EPAS1: variants seen among roughly 807,000 people sequenced by gnomAD.
The protein encoded by EPAS1 is endothelial PAS domain-containing protein 1.
EPAS1 carries 23 observed loss-of-function variants against 87.9 expected under a neutral mutation model. The ratio of observed to expected loss-of-function variants is 0.26; its 90% CI spans 0.19 to 0.37. EPAS1 has a LOEUF of 0.37. Among genes scored for constraint, EPAS1 ranks in the 10% least tolerant of loss-of-function variants. The probability of loss-of-function intolerance (pLI) is 1.00; values close to 1 mark genes in which losing one functional copy is unlikely to be tolerated. For synonymous variants in EPAS1, 508 were observed against 444.3 expected (o/e 1.14, Z -1.80); for missense variants, 1,138 against 1,120.7 (o/e 1.02, Z -0.22).
chr2:46,301,807 G>T (rs1420776701), intron 1 of EPAS1, among the ~76,000 whole-genome samples: 2 of 135,268 alleles, frequency 1.5e-5, no homozygotes, highest in Non-Finnish European at 3.1e-5. Context: ...TAGAAGTGAT[G>T]ATTCTGTTTG....
chr2:46,347,125 G>T lies in EPAS1; in HGVS notation c.217+62G>T. Reference sequence around the variant, plus strand: ...CAGCCTTACCAGCATGTTCCTATATGCAGGGGACCCTTCTGCTGCCAGAGC... The same window carrying T: ...CAGCCTTACCAGCATGTTCCTATATTCAGGGGACCCTTCTGCTGCCAGAGC... On this transcript the variant is annotated intron_variant, in intron 2 of 15. Coordinates refer to ENST00000263734, the MANE Select transcript of EPAS1 (RefSeq NM_001430.5). The surrounding 1 kb of genome is among the most constrained non-coding windows in gnomAD (Gnocchi z 4.2). The T allele has an allele frequency of 4.4e-6, 7 of 1,594,096 alleles. No individual in the cohort carries two copies. The highest frequency in any genetic ancestry group is 6.0e-6 in the Non-Finnish European group (7 of 1,162,160).
chr2:46,358,798 A>G (rs1294425830), intron 4 of EPAS1, among the ~76,000 whole-genome samples: 1 of 152,238 alleles, frequency 6.6e-6, no homozygotes, highest in Non-Finnish European at 1.5e-5. Context: ...CTCGTGATCT[A>G]GACCTAAAGG....
intron 1 of EPAS1, among the ~76,000 whole-genome samples, chr2:46,316,653 G>C (rs1683345956): frequency 6.6e-6 from 1 of 152,168 alleles, no homozygotes; most frequent in Admixed American, 6.5e-5. Context: ...TCTTCTTACT[G>C]GGAGAGGTTC....
Position 46,384,969 on chromosome 2 carries a change from CTTCTCA to C in EPAS1, c.*310_*315del. ...CCATAGGTTTCTCTCCCTCCTTCTC[CTTCTCA>C]CACACAACTGTCCATACTAACAAGT... On this transcript the variant is annotated 3_prime_UTR_variant, in exon 16 of 16. Coordinates refer to ENST00000263734, the MANE Select transcript of EPAS1 (RefSeq NM_001430.5). 1 of 407,184 alleles carries C rather than the reference CTTCTCA, an allele frequency of 2.5e-6. No homozygotes were observed. The highest frequency in any genetic ancestry group is 2.2e-5 in the South Asian group (1 of 44,938). The allele number at this position is 407,184 out of a possible 1,614,324, so 25.2% of individuals were successfully genotyped here.
intron 1 of EPAS1, among the ~76,000 whole-genome samples, chr2:46,299,934 G>A (rs1314427983): frequency 6.6e-6 from 1 of 152,238 alleles, no homozygotes; most frequent in Non-Finnish European, 1.5e-5. Context: ...CCTGCGAAAC[G>A]CCTTGGAGGC....
At chr2:46,348,383 G>A (rs951538365) in intron 2 of EPAS1, among the ~76,000 whole-genome samples, 3 of 152,182 alleles carry the variant, frequency 2.0e-5, no homozygotes, top group Admixed American at 6.5e-5. Context: ...AAGGCTGGGA[G>A]ACTCCATCAC....
rs1683904003 is a variant in EPAS1 at position 46,341,129 on chromosome 2, A to G, written c.27-5744A>G. 2.0e-5 allele frequency among the ~76,000 whole-genome samples: 3 copies of G among 152,298 alleles called. 1 individual carries two copies. The South Asian group carries it at 6.2e-4, about 32-fold the overall frequency. Reference sequence around the variant, plus strand: ...TCAGAATGTACCTAGAACACTGACCACTGGAACACTGCCTTCATCTCAAAC... The same window carrying G: ...TCAGAATGTACCTAGAACACTGACCGCTGGAACACTGCCTTCATCTCAAAC... On this transcript the variant is annotated intron_variant, in intron 1 of 15. Transcript: ENST00000263734.
intron 1 of EPAS1, among the ~76,000 whole-genome samples, chr2:46,317,050 C>T (rs1453086289): frequency 6.6e-6 from 1 of 152,222 alleles, no homozygotes; most frequent in African/African-American, 2.4e-5. Context: ...GAGGTTGCAA[C>T]AGTTCAGTCA....
rs141105186 is a variant in EPAS1, at chr2:46,357,403, TTC to T, written c.454+600_454+601del. On this transcript the variant is annotated intron_variant, in intron 4 of 15. Coordinates refer to ENST00000263734, the MANE Select transcript of EPAS1 (RefSeq NM_001430.5). ...TTGGCATGCTGGGACAACAGGACTG[TTC>T]TCTCACTCTATGGAGACTCAGAGAC... is the stretch of plus-strand genomic sequence containing the variant. Among the ~76,000 whole-genome samples, 438 of 152,308 alleles carry T rather than the reference TTC, an allele frequency of 2.9e-3. 5 individuals are homozygous for T. The highest frequency in any genetic ancestry group is 0.01 in the African/African-American group (422 of 41,562).
chr2:46,325,648 G>A (rs1475956635), intron 1 of EPAS1, among the ~76,000 whole-genome samples: 1 of 152,184 alleles, frequency 6.6e-6, no homozygotes, highest in Non-Finnish European at 1.5e-5. Context: ...AGGTGTTGGA[G>A]GAGGAGTTCC....
chr2:46,339,869 G>A (rs1236805886), intron 1 of EPAS1, among the ~76,000 whole-genome samples: 2 of 152,178 alleles, frequency 1.3e-5, no homozygotes, highest in Non-Finnish European at 2.9e-5. Flanking sequence ...GTTCCCCTGG[G>A]CCTCCTTTGC....
At chr2:46,336,768 T>G (rs73926258) in intron 1 of EPAS1, among the ~76,000 whole-genome samples, 2,189 of 152,304 alleles carry the variant, frequency 0.014, 58 homozygotes, top group African/African-American at 0.05. Context: ...CAGCATCCTC[T>G]GAGGGTTGTT....
intron 1 of EPAS1, among the ~76,000 whole-genome samples, chr2:46,343,053 T>G (rs1240156673): frequency 6.8e-6 from 1 of 146,228 alleles, no homozygotes; most frequent in Non-Finnish European, 1.5e-5. Context: ...ACCTGCGGCA[T>G]AGATAGATAC....
At position 46,356,133 on chromosome 2, in the gene EPAS1, A is replaced by AC. The variant is rs66811540; in HGVS notation, c.218-8dup. 5,956 of 1,212,870 alleles carry AC rather than the reference A, an allele frequency of 4.9e-3. 5 individuals are homozygous for AC. Among genetic ancestry groups the AC allele is most frequent in the South Asian group, 0.012 (899 of 77,364 alleles). 75.1% of individuals were successfully genotyped at this position (1,212,870 alleles called of 1,614,324 possible). ...ACTCCACATTCATGCAAGCTGTCCC[A>AC]CCCCCCCCCCTTTCCAGTTTGCTCT... On this transcript the variant is annotated splice_polypyrimidine_tract_variant and intron_variant, in intron 2 of 15. Transcript: ENST00000263734.
At chr2:46,332,154 C>T (rs1323670148) in intron 1 of EPAS1, among the ~76,000 whole-genome samples, 1 of 151,920 alleles carries the variant, frequency 6.6e-6, no homozygotes, top group East Asian at 1.9e-4. Flanking sequence ...GTGTGCTCTG[C>T]TTGTCCCAGG....
intron 1 of EPAS1, among the ~76,000 whole-genome samples, chr2:46,311,677 C>T (rs913785233): frequency 1.3e-5 from 2 of 152,208 alleles, no homozygotes; most frequent in African/African-American, 2.4e-5. Flanking sequence ...GTGTTCATTT[C>T]CTTTTCTCTT....
At chr2:46,383,339 C>T (rs1248643695) in intron 15 of EPAS1, among the ~76,000 whole-genome samples, 2 of 152,222 alleles carry the variant, frequency 1.3e-5, no homozygotes, top group African/African-American at 2.4e-5. Context: ...CTGCAGGCAC[C>T]AATGCCTGCC....
rs181240421 is a variant in EPAS1, at chr2:46,356,234, G to T, written c.301G>T (p.Val101Leu). The T allele has an allele frequency of 1.2e-6, 2 of 1,611,854 alleles. No individual in the cohort carries two copies. The highest frequency in any genetic ancestry group is 1.1e-5 in the South Asian group (1 of 90,978). ...YLKALEGFIA[V>L]VTQDGDMIFL... ...GAAAGCCTTGGAGGGTTTCATTGCC[G>T]TGGTGACCCAAGATGGCGACATGAT... Residue 101 changes from valine (V) to leucine (L), a missense_variant, in exon 3 of 16, where the codon GTG becomes TTG. Transcript: ENST00000263734.
chr2:46,306,919 T>C (rs1245435247), intron 1 of EPAS1, among the ~76,000 whole-genome samples: 1 of 152,222 alleles, frequency 6.6e-6, no homozygotes, highest in East Asian at 1.9e-4. Flanking sequence ...ACTCTCTTTA[T>C]GAACATTACC....
Sources: allele counts gnomAD v4.1 joint callset (sites outside exome capture counted in the v4.1 genomes callset), GRCh38; gene constraint gnomAD v4.1.1; non-coding constraint Gnocchi (gnomAD v3.1); transcripts MANE v1.5; gene names NCBI Gene and HGNC (gene_info 2026-07-23, HGNC 2026-07-21).